Variants in CCDC146 observed in about 807,000 individuals in gnomAD.
CCDC146 encodes the protein coiled-coil domain-containing protein 146.
A neutral mutation model predicts 119.3 loss-of-function variants in CCDC146; 92 were observed. The observed-to-expected ratio is 0.77, with a 90% CI of 0.65 to 0.92. CCDC146 has a LOEUF of 0.92. CCDC146 is among the 40% of genes least tolerant of loss of function. The probability of loss-of-function intolerance (pLI) is 0.00; values close to 1 mark genes in which losing one functional copy is unlikely to be tolerated. For missense variants in CCDC146, 1,000 were observed against 1,103.0 expected (o/e 0.91, Z 1.32); for synonymous variants, 372 against 371.8 (o/e 1.00, Z -0.01).
At chr7:77,269,445 A>C (rs563592754) in intron 9 of CCDC146, among the ~76,000 whole-genome samples, 18 of 151,740 alleles carry the variant, frequency 1.2e-4, no homozygotes, top group African/African-American at 4.1e-4. Flanking sequence ...CCTCCAATAT[A>C]TGGTAATTCT....
chr7:77,191,597 G>T (rs1431620979), intron 2 of CCDC146, among the ~76,000 whole-genome samples: 3 of 152,186 alleles, frequency 2.0e-5, no homozygotes, highest in Admixed American at 2.0e-4. Context: ...TGTCATCAGA[G>T]AACTCTGCCT....
In CCDC146 at chr7:77,143,808, G is replaced by T. The variant is rs918108243; in HGVS notation, c.-12+21076G>T. On this transcript the variant is annotated intron_variant, in intron 1 of 18. Transcript: ENST00000285871. ...TTTGGTACCAGTACCATGCTGTTTT[G>T]GTTACTGTGGCCTTGTAGTATAGTT... 2.4e-4 allele frequency among the ~76,000 whole-genome samples: 36 copies of T among 151,698 alleles called. 1 individual carries two copies. The highest frequency in any genetic ancestry group is 8.5e-4 in the African/African-American group (35 of 41,032).
rs187884222 is a variant in CCDC146, at chr7:77,146,507, A to C, written c.-11-21151A>C. Among the ~76,000 whole-genome samples, 315 of 152,220 alleles carry C rather than the reference A, an allele frequency of 2.1e-3. 2 individuals carry two copies. Among genetic ancestry groups the C allele is most frequent in the Non-Finnish European group, 1.9e-3 (126 of 68,030 alleles). On this transcript the variant is annotated intron_variant, in intron 1 of 18. Transcript: ENST00000285871. ...TTGATGCAGTTTCTTCCTAGCCTTGATGGTCTTTACAATTTGGCATGTTTT... is the reference window on the plus strand; with the variant it reads ...TTGATGCAGTTTCTTCCTAGCCTTGCTGGTCTTTACAATTTGGCATGTTTT...
intron 2 of CCDC146, chr7:77,199,803 G>T (rs766219223): frequency 9.9e-6 from 16 of 1,611,394 alleles, no homozygotes; most frequent in Non-Finnish European, 1.4e-5. Flanking sequence ...TCTTTACAGT[G>T]CTGCTCACCC....
chr7:77,260,807 TCTC>T (rs1793280948), intron 8 of CCDC146, among the ~76,000 whole-genome samples: 3 of 151,324 alleles, frequency 2.0e-5, no homozygotes, highest in Non-Finnish European at 4.4e-5. Flanking sequence ...TTTTTTTTCT[TCTC>T]ATTAGAGACA....
At chr7:77,228,997 C>G (rs114139966) in intron 2 of CCDC146, among the ~76,000 whole-genome samples, 1 of 152,188 alleles carries the variant, frequency 6.6e-6, no homozygotes, top group Admixed American at 6.5e-5. Flanking sequence ...TCTCCCTCCC[C>G]CAACTAACAG....
intron 1 of CCDC146, among the ~76,000 whole-genome samples, chr7:77,134,585 G>A (rs1467828585): frequency 6.6e-6 from 1 of 150,950 alleles, no homozygotes; most frequent in Non-Finnish European, 1.5e-5. Context: ...GTGTGTGTGT[G>A]TGTGTGTGTG....
At chr7:77,255,617 G>T (rs1793163420) in intron 5 of CCDC146, 1 of 152,182 alleles carries the variant, frequency 6.6e-6, no homozygotes, top group African/African-American at 2.4e-5. Flanking sequence ...AGCAGTGGTG[G>T]GAGGAGGGAG....
intron 1 of CCDC146, among the ~76,000 whole-genome samples, chr7:77,157,419 A>G (rs1270356197): frequency 6.7e-6 from 1 of 149,460 alleles, no homozygotes; most frequent in African/African-American, 2.5e-5. Context: ...AGCATGCAGT[A>G]TTTGGTTTTT....
intron 1 of CCDC146, among the ~76,000 whole-genome samples, chr7:77,125,852 C>G (rs1790684092): frequency 1.3e-5 from 2 of 152,104 alleles, no homozygotes; most frequent in South Asian, 2.1e-4. Flanking sequence ...TAATAACTAT[C>G]AACATTGAGA....
In CCDC146 at chr7:77,273,729, T is replaced by C; in HGVS notation, c.1209T>C (p.Ser403=). Reference sequence around the variant, plus strand: ...TCCCCAAAGATGATTCTACATTATCTGAGAGAAGGCGAGAGCTTCACAAGG... The same window carrying C: ...TCCCCAAAGATGATTCTACATTATCCGAGAGAAGGCGAGAGCTTCACAAGG... ...EAIPKDDSTL[S]ERRRELHKEV... The change falls in exon 10 of 19, where the codon TCT becomes TCC. Residue 403 remains serine, a synonymous_variant. Coordinates refer to ENST00000285871, the MANE Select transcript of CCDC146 (RefSeq NM_020879.3). The C allele has an allele frequency of 6.2e-7, 1 of 1,610,642 alleles. No homozygotes were observed. The highest frequency in any genetic ancestry group is 8.5e-7 in the Non-Finnish European group (1 of 1,177,802).
chr7:77,256,208 A>G, intron 5 of CCDC146, 125 bp from the exon 6 acceptor site: 1 of 649,874 alleles, frequency 1.5e-6, no homozygotes, highest in African/African-American at 1.8e-5. Flanking sequence ...CCTTGTGAGA[A>G]ATCATTCATG....
At chr7:77,231,350 GA>G (rs988601131) in intron 2 of CCDC146, among the ~76,000 whole-genome samples, 26 of 152,058 alleles carry the variant, frequency 1.7e-4, no homozygotes, top group African/African-American at 4.8e-4. Context: ...AATAAGGAAA[GA>G]AAAAAAAGTT....
At chr7:77,206,620 G>A (rs73371590) in intron 2 of CCDC146, among the ~76,000 whole-genome samples, 8 of 149,184 alleles carry the variant, frequency 5.4e-5, no homozygotes, top group Non-Finnish European at 1.0e-4. Flanking sequence ...GTGACAAAGC[G>A]AAACTCTGTC....
rs533253443 is a variant in CCDC146, at chr7:77,196,447, A to G, written c.156+28623A>G. On this transcript the variant is annotated intron_variant, in intron 2 of 18. Coordinates refer to ENST00000285871, the MANE Select transcript of CCDC146 (RefSeq NM_020879.3). The surrounding 1 kb of genome is among the most constrained non-coding windows in gnomAD (Gnocchi z 4.2). ...ATTTGCCATTTAAGTTTGCAGAAAG[A>G]CATGCATCAAACCACCAGCCTGAAC... is the stretch of plus-strand genomic sequence containing the variant. 2 of 1,614,200 alleles carry G rather than the reference A, an allele frequency of 1.2e-6. No individual in the cohort carries two copies. Among genetic ancestry groups the G allele is most frequent in the African/African-American group, 2.7e-5 (2 of 75,038 alleles).
At chr7:77,291,746 C>T (rs750040717) in intron 17 of CCDC146, among the ~76,000 whole-genome samples, 1 of 152,126 alleles carries the variant, frequency 6.6e-6, no homozygotes, top group Non-Finnish European at 1.5e-5. Flanking sequence ...AGGAACAGCT[C>T]TCATTCTAAA....
At chr7:77,129,104 T>C (rs1728983402) in intron 1 of CCDC146, among the ~76,000 whole-genome samples, 1 of 152,114 alleles carries the variant, frequency 6.6e-6, no homozygotes, top group Non-Finnish European at 1.5e-5. Context: ...CATGATGAAC[T>C]GCAGTCTGAA....
intron 2 of CCDC146, among the ~76,000 whole-genome samples, chr7:77,169,736 CT>C (rs1791392439): frequency 6.6e-6 from 1 of 152,168 alleles, no homozygotes; most frequent in African/African-American, 2.4e-5. Context: ...TCCTTCTGCA[CT>C]TCCTTACTTT....
chr7:77,292,342 G>A (rs58720433), intron 17 of CCDC146, among the ~76,000 whole-genome samples: 1,809 of 141,228 alleles, frequency 0.013, 36 homozygotes, highest in African/African-American at 0.044. Flanking sequence ...CTGGCCAGGC[G>A]CGGTGGCTCA....
Sources: gnomAD v4.1 joint callset for allele counts (sites outside exome capture counted in the v4.1 genomes callset) on GRCh38, gnomAD v4.1.1 for gene constraint, Gnocchi (gnomAD v3.1) non-coding constraint, MANE v1.5 for transcripts, NCBI Gene and HGNC (gene_info 2026-07-23, HGNC 2026-07-21) for gene names.